The following PLPP7 variants were observed in gnomAD, a reference collection of about 807,000 sequenced individuals.
The protein encoded by PLPP7 is phospholipid phosphatase 7 (inactive).
A neutral mutation model predicts 16.9 loss-of-function variants in PLPP7; 11 were observed. The observed-to-expected ratio is 0.65, with a 90% CI of 0.41 to 1.08. The LOEUF (loss-of-function observed/expected upper bound fraction) is 1.08. Ranked by LOEUF, PLPP7 falls within the 50% of genes least tolerant of loss-of-function variation. The pLI is 0.00. For synonymous variants in PLPP7, 174 were observed against 175.1 expected (o/e 0.99, Z 0.05); for missense variants, 358 against 397.1 (o/e 0.90, Z 0.84).
chr9:131,290,612 G>A lies in PLPP7; in HGVS notation c.451+164G>A, dbSNP rs772026345. 3.6e-5 allele frequency among the ~76,000 whole-genome samples: 5 copies of A among 140,268 alleles called. No homozygotes were observed. Among genetic ancestry groups the A allele is most frequent in the African/African-American group, 5.0e-5 (2 of 39,742 alleles). 92.0% of individuals were successfully genotyped at this position (140,268 alleles called of 152,430 possible). On this transcript the variant is annotated intron_variant, in intron 1 of 1. Transcript: ENST00000372264. The surrounding 1 kb of genome is among the most constrained non-coding windows in gnomAD (Gnocchi z 4.2). ...GCCCCAGAAACAGGCAGGCTCCGGC[G>A]TGGGGGAGCGACAGCCAGGGATGCA...
chr9:131,301,781 G>A (rs1270943524), intron 1 of PLPP7, among the ~76,000 whole-genome samples: 1 of 151,424 alleles, frequency 6.6e-6, no homozygotes, highest in African/African-American at 2.4e-5. Context: ...TGGGTGAGTA[G>A]ACCAAGGCGC....
At chr9:131,300,851 A>T (rs1835790978) in intron 1 of PLPP7, among the ~76,000 whole-genome samples, 1 of 152,060 alleles carries the variant, frequency 6.6e-6, no homozygotes, top group South Asian at 2.1e-4. Flanking sequence ...TGCTGGGCCC[A>T]GTGTACCCCC....
intron 1 of PLPP7, chr9:131,292,850 T>C: frequency 2.0e-6 from 2 of 985,382 alleles, no homozygotes; most frequent in African/African-American, 1.7e-5. Flanking sequence ...AACCTACTTG[T>C]TAAGATAAGG....
At chr9:131,305,150 A>T (rs1486889421) in intron 1 of PLPP7, among the ~76,000 whole-genome samples, 1 of 152,232 alleles carries the variant, frequency 6.6e-6, no homozygotes, top group Non-Finnish European at 1.5e-5. Context: ...TACCAAAAGA[A>T]CTGAAAACAG....
intron 1 of PLPP7, among the ~76,000 whole-genome samples, chr9:131,298,795 C>T (rs1029667370): frequency 1.6e-4 from 25 of 152,246 alleles, no homozygotes; most frequent in Admixed American, 5.9e-4. Flanking sequence ...TGGCCACCAC[C>T]AACCCCGAGG....
rs1322300809 is a variant in PLPP7, at chr9:131,290,428, T to C, written c.431T>C (p.Val144Ala). The C allele has an allele frequency of 6.5e-7, 1 of 1,534,324 alleles. No individual in the cohort carries two copies. Among genetic ancestry groups the C allele is most frequent in the African/African-American group, 1.4e-5 (1 of 73,278 alleles). Residue 144 changes from valine to alanine, a missense_variant, in exon 1 of 2, where the codon GTG becomes GCG. Transcript: ENST00000372264. This position sits in a 1 kb window ranked among gnomAD's most constrained non-coding sequence, Gnocchi z 4.2. ...VKSSTLAGQE[V>A]LMNLLLALLL... Reference sequence around the variant, plus strand: ...AGCAGCACACTGGCCGGCCAGGAGGTGCTCATGAATCTGCTCCTGGGTGAG... The same window carrying C: ...AGCAGCACACTGGCCGGCCAGGAGGCGCTCATGAATCTGCTCCTGGGTGAG...
At chr9:131,297,629 G>T (rs1186524279) in intron 1 of PLPP7, among the ~76,000 whole-genome samples, 5 of 152,064 alleles carry the variant, frequency 3.3e-5, no homozygotes, top group African/African-American at 1.2e-4. Flanking sequence ...CAAGCTATCC[G>T]CCTGCCACCG....
rs777977505 is a variant in PLPP7 at position 131,308,170 on chromosome 9, C to T, written c.699C>T (p.Gly233=). ...TGGGCCTGTCCCGCGTGATGATCGGCCGCCACCACGTCACGGACGTCCTCT... is the reference window on the plus strand; with the variant it reads ...TGGGCCTGTCCCGCGTGATGATCGGTCGCCACCACGTCACGGACGTCCTCT... ...LCVGLSRVMI[G]RHHVTDVLSG... Residue 233 remains glycine, a synonymous_variant, in exon 2 of 2, where the codon GGC becomes GGT. Coordinates refer to ENST00000372264, the MANE Select transcript of PLPP7 (RefSeq NM_032728.4). The T allele has an allele frequency of 1.2e-6, 2 of 1,600,398 alleles. No individual in the cohort carries two copies. The highest frequency in any genetic ancestry group is 3.3e-5 in the Admixed American group (2 of 60,012).
At chr9:131,291,155 G>A (rs771390130) in intron 1 of PLPP7, 5 of 1,366,280 alleles carry the variant, frequency 3.7e-6, no homozygotes, top group Non-Finnish European at 4.9e-6. Flanking sequence ...CCCATGTGGA[G>A]GCAAGCCATT....
chr9:131,289,987 G>A lies in PLPP7; in HGVS notation c.-11G>A, dbSNP rs1372605723. 1.4e-6 allele frequency: 2 copies of A among 1,430,324 alleles called. No individual in the cohort carries two copies. Among genetic ancestry groups the A allele is most frequent in the African/African-American group, 2.9e-5 (2 of 68,654 alleles). 88.6% of individuals were successfully genotyped at this position (1,430,324 alleles called of 1,614,324 possible). ...GCTGGCATCGGCCTTCTCGGGGTGA[G>A]CGAGGTCACCATGCCAGCTTCCCAG... On this transcript the variant is annotated 5_prime_UTR_variant, in exon 1 of 2. Coordinates refer to ENST00000372264, the MANE Select transcript of PLPP7 (RefSeq NM_032728.4).
chr9:131,303,319 G>A (rs940998238), intron 1 of PLPP7, among the ~76,000 whole-genome samples: 4 of 145,276 alleles, frequency 2.8e-5, no homozygotes, highest in South Asian at 4.4e-4. Flanking sequence ...GCAACAAGAG[G>A]GAAACTCTGT....
In PLPP7 at chr9:131,295,556, C is replaced by T. The variant is rs1338069498; in HGVS notation, c.451+5108C>T. 6.6e-6 allele frequency among the ~76,000 whole-genome samples: 1 copy of T among 152,116 alleles called. No individual in the cohort carries two copies. Among genetic ancestry groups the T allele is most frequent in the African/African-American group, 2.4e-5 (1 of 41,424 alleles). ...GTGTACAGTTCAGTGGCATTGAGTCCATTCACACTGTTGTGCAGCCATCAC... is the reference window on the plus strand; with the variant it reads ...GTGTACAGTTCAGTGGCATTGAGTCTATTCACACTGTTGTGCAGCCATCAC... On this transcript the variant is annotated intron_variant, in intron 1 of 1. Coordinates refer to ENST00000372264, the MANE Select transcript of PLPP7 (RefSeq NM_032728.4). This position sits in a 1 kb window ranked among gnomAD's most constrained non-coding sequence, Gnocchi z 4.0.
chr9:131,307,097 T>G (rs1342073618), intron 1 of PLPP7, among the ~76,000 whole-genome samples: 1 of 150,806 alleles, frequency 6.6e-6, no homozygotes, highest in Non-Finnish European at 1.5e-5. Flanking sequence ...ATACAAAAAA[T>G]TAGCCAAGCA....
chr9:131,298,209 TGGA>T (rs1240324657), intron 1 of PLPP7, among the ~76,000 whole-genome samples: 1 of 152,140 alleles, frequency 6.6e-6, no homozygotes, highest in Non-Finnish European at 1.5e-5. Context: ...GGGAGACACG[TGGA>T]GGAGAGTTCT....
chr9:131,302,403 C>A (rs1409511405), intron 1 of PLPP7, among the ~76,000 whole-genome samples: 1 of 152,146 alleles, frequency 6.6e-6, no homozygotes, highest in Non-Finnish European at 1.5e-5. Context: ...CGAAGGGATG[C>A]CAAGGTCAGC....
chr9:131,301,370 G>A (rs1223983065), intron 1 of PLPP7, among the ~76,000 whole-genome samples: 1 of 152,158 alleles, frequency 6.6e-6, no homozygotes, highest in Non-Finnish European at 1.5e-5. Flanking sequence ...AGTGGCTGGT[G>A]TCATATTTCA....
chr9:131,292,810 T>C (rs769115585), intron 1 of PLPP7: 3 of 985,360 alleles, frequency 3.0e-6, no homozygotes, highest in Non-Finnish European at 3.6e-6. Flanking sequence ...TTAAGAACAT[T>C]TCCCCTGCCC....
intron 1 of PLPP7, among the ~76,000 whole-genome samples, chr9:131,301,206 T>A (rs761838566): frequency 3.9e-5 from 6 of 152,006 alleles, no homozygotes; most frequent in Non-Finnish European, 4.4e-5. Context: ...TGACCTCAGG[T>A]GATCCACCCA....
Position 131,308,418 on chromosome 9 carries a change from C to A in PLPP7, c.*131C>A. On this transcript the variant is annotated 3_prime_UTR_variant, in exon 2 of 2. Coordinates refer to ENST00000372264, the MANE Select transcript of PLPP7 (RefSeq NM_032728.4). ...AGAGCGGCCACCCCCACCTCATCTT[C>A]CCCTCCTGGCTGGAGGCTGGCGAAC... is the stretch of plus-strand genomic sequence containing the variant. 1 of 1,388,904 alleles carries A rather than the reference C, an allele frequency of 7.2e-7. No homozygotes were observed. The highest frequency in any genetic ancestry group is 9.5e-7 in the Non-Finnish European group (1 of 1,056,992). 86.0% of individuals were successfully genotyped at this position (1,388,904 alleles called of 1,614,324 possible).
Sources: gnomAD v4.1 joint callset for allele counts (sites outside exome capture counted in the v4.1 genomes callset) on GRCh38, gnomAD v4.1.1 for gene constraint, Gnocchi (gnomAD v3.1) non-coding constraint, MANE v1.5 for transcripts, NCBI Gene and HGNC (gene_info 2026-07-23, HGNC 2026-07-21) for gene names.